The following SMARCC1 variants were observed in gnomAD, a reference collection of about 807,000 sequenced individuals.
SMARCC1 encodes the protein SWI/SNF complex subunit SMARCC1.
A neutral mutation model predicts 147.4 loss-of-function variants in SMARCC1; 43 were observed. The observed-to-expected ratio is 0.29, with a 90% confidence interval of 0.23 to 0.38. SMARCC1 has a LOEUF of 0.38. Among genes scored for constraint, SMARCC1 ranks in the 10% least tolerant of loss-of-function variants. The pLI, the probability that SMARCC1 is intolerant of heterozygous loss-of-function variation, is 1.00. For missense variants in SMARCC1, 1,119 were observed against 1,381.1 expected (o/e 0.81, Z 3.01); for synonymous variants, 495 against 484.4 (o/e 1.02, Z -0.29).
intron 5 of SMARCC1, among the ~76,000 whole-genome samples, chr3:47,729,377 G>A (rs1210548604): frequency 1.3e-5 from 2 of 152,022 alleles, no homozygotes; most frequent in Admixed American, 6.6e-5. Context: ...AGTAATATGG[G>A]TACTACTAAT....
chr3:47,597,961 G>A (rs2032317549), intron 26 of SMARCC1, among the ~76,000 whole-genome samples: 1 of 152,172 alleles, frequency 6.6e-6, no homozygotes, highest in African/African-American at 2.4e-5. Context: ...GAAATACAGA[G>A]GTATCGGTGA....
intron 16 of SMARCC1, 95 bp from the exon 17 acceptor site, chr3:47,676,877 A>C: frequency 1.9e-6 from 2 of 1,059,956 alleles, no homozygotes; most frequent in Non-Finnish European, 2.8e-6. Flanking sequence ...AAACAATAAA[A>C]CCAGTAAATG....
rs1307766189 is a variant in SMARCC1 at position 47,586,565 on chromosome 3, C to T, written c.*1644G>A. 1.3e-5 allele frequency: 2 copies of T among 152,616 alleles called. No individual in the cohort carries two copies. Among genetic ancestry groups the T allele is most frequent in the Admixed American group, 1.3e-4 (2 of 15,282 alleles). 9.5% of individuals were successfully genotyped at this position (152,616 alleles called of 1,614,324 possible). ...AAACCTGAGGGTTTGAAAGGCAAAT[C>T]TCAATTGTGGTTTTATTTTTTTGCT... On this transcript the variant is annotated 3_prime_UTR_variant, in exon 28 of 28. Coordinates refer to ENST00000254480, the MANE Select transcript of SMARCC1 (RefSeq NM_003074.4).
At chr3:47,749,004 T>C (rs868032575) in intron 2 of SMARCC1, among the ~76,000 whole-genome samples, 2 of 151,730 alleles carry the variant, frequency 1.3e-5, no homozygotes, top group South Asian at 2.1e-4. Flanking sequence ...ACCTCATCTG[T>C]TTAAAAAAAA....
At chr3:47,747,005 C>T (rs1233682195) in intron 2 of SMARCC1, among the ~76,000 whole-genome samples, 1 of 151,936 alleles carries the variant, frequency 6.6e-6, no homozygotes, top group Non-Finnish European at 1.5e-5. Flanking sequence ...GCTGTGATTA[C>T]AGGCATGAGC....
At chr3:47,677,397 G>T (rs1050698624) in intron 16 of SMARCC1, among the ~76,000 whole-genome samples, 4 of 123,126 alleles carry the variant, frequency 3.2e-5, no homozygotes, top group Non-Finnish European at 5.4e-5. Context: ...CACCATGCCT[G>T]GCCGTTTTTT....
At chr3:47,765,041 C>T (rs1369485095) in intron 2 of SMARCC1, among the ~76,000 whole-genome samples, 7 of 152,114 alleles carry the variant, frequency 4.6e-5, no homozygotes, top group South Asian at 4.1e-4. Flanking sequence ...CACCTGAGGT[C>T]GGGAGTTCAA....
At chr3:47,685,200 C>T (rs907883864) in intron 14 of SMARCC1, among the ~76,000 whole-genome samples, 11 of 151,840 alleles carry the variant, frequency 7.2e-5, no homozygotes, top group East Asian at 5.8e-4. Flanking sequence ...ATAACTGATA[C>T]GGATACTAAA....
chr3:47,605,821 T>C (rs893070648), intron 26 of SMARCC1, among the ~76,000 whole-genome samples: 4 of 152,090 alleles, frequency 2.6e-5, no homozygotes, highest in Non-Finnish European at 5.9e-5. Flanking sequence ...ATAAATGTAA[T>C]TGTGGTTACA....
chr3:47,726,551 C>T (rs747904640), intron 6 of SMARCC1, among the ~76,000 whole-genome samples: 1 of 152,020 alleles, frequency 6.6e-6, no homozygotes, highest in Admixed American at 6.6e-5. Flanking sequence ...TTAGGTACAC[C>T]CAGTGTTGCA....
chr3:47,645,678 A>G (rs1016494490), intron 21 of SMARCC1, among the ~76,000 whole-genome samples: 2 of 152,368 alleles, frequency 1.3e-5, no homozygotes, highest in Middle Eastern at 3.4e-3. Context: ...CAGAGACTGA[A>G]TAAGTATAAT....
Position 47,736,130 on chromosome 3 carries a change from A to T in SMARCC1, c.484-4T>A. 6.6e-7 allele frequency: 1 copy of T among 1,510,170 alleles called. No individual in the cohort carries two copies. The highest frequency in any genetic ancestry group is 1.2e-5 in the South Asian group (1 of 84,054). 93.5% of individuals were successfully genotyped at this position (1,510,170 alleles called of 1,614,324 possible). ...TGGGTCTGGTCAAACAATTGTTCTG[A>T]GGATGAAAAGAACAGACTTTCAAAT... is the stretch of plus-strand genomic sequence containing the variant. On this transcript the variant is annotated splice_region_variant and splice_polypyrimidine_tract_variant and intron_variant, in intron 4 of 27. Coordinates refer to ENST00000254480, the MANE Select transcript of SMARCC1 (RefSeq NM_003074.4).
Position 47,727,295 on chromosome 3 carries a change from T to A in SMARCC1, c.646+1730A>T, listed in dbSNP as rs557962193. Among the ~76,000 whole-genome samples the A allele has an allele frequency of 7.2e-5, 11 of 152,104 alleles. No individual in the cohort carries two copies. In the East Asian group the frequency reaches 2.1e-3, roughly 29 times the overall value. ...AGGCCGAGGCAGGTGGATCATGAGGTCAGGAGTTCGAGACCAACCTGGCCA... is the reference window on the plus strand; with the variant it reads ...AGGCCGAGGCAGGTGGATCATGAGGACAGGAGTTCGAGACCAACCTGGCCA... On this transcript the variant is annotated intron_variant, in intron 6 of 27. Coordinates refer to ENST00000254480, the MANE Select transcript of SMARCC1 (RefSeq NM_003074.4).
intron 26 of SMARCC1, chr3:47,604,120 C>A (rs1173744131): frequency 2.2e-6 from 1 of 456,604 alleles, no homozygotes; most frequent in African/African-American, 2.0e-5. Flanking sequence ...CCAGCTTATA[C>A]CAGCTACATT....
rs200370914 is a variant in SMARCC1 at position 47,661,350 on chromosome 3, T to C, written c.2264A>G (p.Tyr755Cys). The change falls in exon 21 of 28, where the codon TAC becomes TGC. Residue 755 changes from tyrosine to cysteine, a missense_variant. Around this residue, in one of 6 missense-constraint regions of SMARCC1, gnomAD observed 157 missense variants for 158.6 expected, o/e 0.99. Transcript: ENST00000254480. ...ARASGKVDPTYGLESSCIAGT... is the reference protein window; with the variant it reads ...ARASGKVDPTCGLESSCIAGT... ...TGCAATGCAGCTGCTCTCCAGACCG[T>C]AGGTGGGATCCACTTTCCCAGAGGC... 12 of 1,613,986 alleles carry C rather than the reference T, an allele frequency of 7.4e-6. No homozygotes were observed. The East Asian group carries it at 2.2e-4, about 30-fold the overall frequency.
At chr3:47,604,166 C>G (rs1415074697) in intron 26 of SMARCC1, 2 of 456,716 alleles carry the variant, frequency 4.4e-6, no homozygotes, top group Non-Finnish European at 8.8e-6. Flanking sequence ...AAGAGCCTAG[C>G]AGATTCATAA....
At chr3:47,602,756 T>C (rs1411462506) in intron 26 of SMARCC1, among the ~76,000 whole-genome samples, 3 of 152,262 alleles carry the variant, frequency 2.0e-5, no homozygotes, top group South Asian at 2.1e-4. Flanking sequence ...TCTTTCCTTC[T>C]GCTTTCACAC....
chr3:47,624,578 A>G (rs2032780475), intron 24 of SMARCC1, among the ~76,000 whole-genome samples: 2 of 152,238 alleles, frequency 1.3e-5, no homozygotes, highest in South Asian at 4.1e-4. Flanking sequence ...CAGTGTGAAT[A>G]GAGAACAGAC....
intron 8 of SMARCC1, among the ~76,000 whole-genome samples, chr3:47,713,318 A>AAAATAAAT (rs144722768): frequency 0.038 from 5,643 of 146,646 alleles, 380 homozygotes; most frequent in African/African-American, 0.13. Context: ...ACTCCGTCTC[A>AAAATAAAT]AAATAAATAA....
Sources: allele counts gnomAD v4.1 joint callset (sites outside exome capture counted in the v4.1 genomes callset), GRCh38; gene constraint gnomAD v4.1.1; regional missense constraint gnomAD v4.1.1; transcripts MANE v1.5; gene names NCBI Gene and HGNC (gene_info 2026-07-23, HGNC 2026-07-21).